ABLIM3: variants seen among roughly 807,000 people sequenced by gnomAD.
ABLIM3 encodes actin-binding LIM protein 3.
ABLIM3 carries 61 observed loss-of-function variants against 109.5 expected under a neutral mutation model. That is an observed-to-expected ratio of 0.56 (90% CI 0.45 to 0.69). The LOEUF is 0.69. ABLIM3 is among the 30% of genes least tolerant of loss of function. The probability of loss-of-function intolerance (pLI) is 0.00; values close to 1 mark genes in which losing one functional copy is unlikely to be tolerated. For synonymous variants in ABLIM3, 300 were observed against 324.8 expected (o/e 0.92, Z 0.82); for missense variants, 796 against 889.5 (o/e 0.89, Z 1.34).
At position 149,247,829 on chromosome 5, in the gene ABLIM3, C is replaced by G. The variant is rs200636690; in HGVS notation, c.1599C>G (p.Ala533=). 3.1e-6 allele frequency: 5 copies of G among 1,614,266 alleles called. No homozygotes were observed. Among genetic ancestry groups the G allele is most frequent in the East Asian group, 4.5e-5 (2 of 44,890 alleles). Residue 533 remains alanine (A), a synonymous_variant, in exon 18 of 24, where the codon GCC becomes GCG. Coordinates refer to ENST00000309868, the MANE Select transcript of ABLIM3 (RefSeq NM_014945.5). ...TGATTCTGAAGGAAGAAATGAAGGC[C>G]CGGTCGAGCTCCTATGCAGATCCCT... The part of the protein sequence containing the change: ...GRLILKEEMK[A]RSSSYADPWT...
intron 7 of ABLIM3, among the ~76,000 whole-genome samples, chr5:149,212,178 A>T (rs761370851): frequency 1.3e-5 from 2 of 152,174 alleles, no homozygotes; most frequent in Non-Finnish European, 1.5e-5. Context: ...TTTTAAAAAG[A>T]TTTCTGTGGT....
At chr5:149,230,789 A>G (rs1305272477) in intron 9 of ABLIM3, 82 bp downstream of exon 9, 5 of 1,517,918 alleles carry the variant, frequency 3.3e-6, no homozygotes, top group Non-Finnish European at 4.6e-6. Context: ...GCTTTGGGAC[A>G]GGGTCAGCAT....
intron 2 of ABLIM3, among the ~76,000 whole-genome samples, chr5:149,169,517 C>T (rs929739226): frequency 2.0e-5 from 3 of 152,140 alleles, no homozygotes; most frequent in Admixed American, 2.0e-4. Flanking sequence ...AAATCATTAG[C>T]AAAGGAACGA....
At chr5:149,190,839 G>A (rs1046516729) in intron 3 of ABLIM3, among the ~76,000 whole-genome samples, 2 of 152,140 alleles carry the variant, frequency 1.3e-5, no homozygotes, top group Non-Finnish European at 2.9e-5. Flanking sequence ...GCAGAACTGA[G>A]ATGAAAGATG....
At chr5:149,205,096 A>G (rs1758843496) in intron 5 of ABLIM3, among the ~76,000 whole-genome samples, 2 of 152,262 alleles carry the variant, frequency 1.3e-5, no homozygotes, top group African/African-American at 2.4e-5. Context: ...AGTGTAAGGA[A>G]TAAAGAAGAG....
At position 149,251,417 on chromosome 5, in the gene ABLIM3, G is replaced by T. The variant is rs116279358; in HGVS notation, c.1847G>T (p.Arg616Leu). The T allele has an allele frequency of 1.9e-6, 3 of 1,614,078 alleles. No individual in the cohort carries two copies. Among genetic ancestry groups the T allele is most frequent in the African/African-American group, 2.7e-5 (2 of 75,060 alleles). Reference sequence around the variant, plus strand: ...ATGAACGCAGTCAACTGGGGCATGCGAGGTGAGTGCAGGCCTGCAGGGGGT... The same window carrying T: ...ATGAACGCAGTCAACTGGGGCATGCTAGGTGAGTGCAGGCCTGCAGGGGGT... ...DSMNAVNWGM[R>L]EYKIYPYELL... The change falls in exon 21 of 24, where the codon CGA becomes CTA. Residue 616 changes from arginine (R) to leucine (L), a missense_variant and splice_region_variant. Arg to Leu is a moderately radical substitution (Grantham distance 102). Transcript: ENST00000309868.
chr5:149,227,673 G>A (rs1027145486), intron 8 of ABLIM3, among the ~76,000 whole-genome samples: 4 of 152,150 alleles, frequency 2.6e-5, no homozygotes, highest in African/African-American at 9.7e-5. Context: ...TTACCAGACT[G>A]CAAGACAGGT....
intron 10 of ABLIM3, 60 bp downstream of exon 10, chr5:149,233,360 A>T (rs1269959795): frequency 6.5e-7 from 1 of 1,534,432 alleles, no homozygotes; most frequent in East Asian, 2.2e-5. Context: ...GTATATAAAG[A>T]GTCACTAAGG....
chr5:149,207,491 A>G (rs1412503469), intron 6 of ABLIM3, among the ~76,000 whole-genome samples: 5 of 151,994 alleles, frequency 3.3e-5, no homozygotes, highest in Non-Finnish European at 5.9e-5. Context: ...GTAATTACAT[A>G]TTTATCCCTG....
Position 149,198,374 on chromosome 5 carries a change from C to T in ABLIM3, c.307C>T (p.Pro103Ser). Residue 103 changes from proline (P) to serine (S), a missense_variant, in exon 4 of 24, where the codon CCC becomes TCC. Transcript: ENST00000309868. The surrounding 1 kb of genome is among the most constrained non-coding windows in gnomAD (Gnocchi z 4.2). ...CTCGGCCCTGGGCCGCACTTACCAC[C>T]CCAAGTGCTTCGTGTGCAGCTTGTG... Reference protein sequence around the residue: ...VISALGRTYHPKCFVCSLCRK... With the variant: ...VISALGRTYHSKCFVCSLCRK... 6.2e-7 allele frequency: 1 copy of T among 1,612,984 alleles called. No homozygotes were observed. Among genetic ancestry groups the T allele is most frequent in the South Asian group, 1.1e-5 (1 of 90,828 alleles).
At chr5:149,169,601 A>C (rs1755183088) in intron 2 of ABLIM3, among the ~76,000 whole-genome samples, 1 of 152,190 alleles carries the variant, frequency 6.6e-6, no homozygotes, top group Non-Finnish European at 1.5e-5. Flanking sequence ...TTCTCAAAAG[A>C]CATGGCTGCT....
chr5:149,184,125 A>T (rs1040824025), intron 3 of ABLIM3, among the ~76,000 whole-genome samples: 1 of 152,086 alleles, frequency 6.6e-6, no homozygotes, highest in African/African-American at 2.4e-5. Flanking sequence ...TACAGCTTAC[A>T]CAGGGCTAAT....
intron 8 of ABLIM3, among the ~76,000 whole-genome samples, chr5:149,227,256 G>A (rs1289473239): frequency 1.3e-5 from 2 of 152,152 alleles, no homozygotes; most frequent in Non-Finnish European, 2.9e-5. Flanking sequence ...ATACCTGGCT[G>A]ACAGATAGTT....
chr5:149,163,379 A>G (rs1260769647), intron 2 of ABLIM3, among the ~76,000 whole-genome samples: 1 of 151,516 alleles, frequency 6.6e-6, no homozygotes, highest in Non-Finnish European at 1.5e-5. Flanking sequence ...TATGCTATTT[A>G]AAATAATTAT....
chr5:149,240,871 A>T lies in ABLIM3; in HGVS notation c.1303+97A>T, dbSNP rs1752752154. 14 of 1,182,240 alleles carry T rather than the reference A, an allele frequency of 1.2e-5. No individual in the cohort carries two copies. In the South Asian group the frequency reaches 1.6e-4, roughly 14 times the overall value. 73.2% of individuals were successfully genotyped at this position (1,182,240 alleles called of 1,614,324 possible). A position where few individuals can be genotyped will look rare whatever the true frequency, so the allele number is the denominator to read the frequency against. On this transcript the variant is annotated intron_variant, in intron 14 of 23. Coordinates refer to ENST00000309868, the MANE Select transcript of ABLIM3 (RefSeq NM_014945.5). The stretch of plus-strand genomic sequence containing the variant: ...CCTCGATGCCACACAGGCACCAAGA[A>T]GCTGGTTCCTGAGGGACCTCCCTAA...
chr5:149,232,088 T>C (rs1187971054), intron 9 of ABLIM3, among the ~76,000 whole-genome samples: 1 of 152,182 alleles, frequency 6.6e-6, no homozygotes, highest in African/African-American at 2.4e-5. Context: ...GGTGAATCAC[T>C]TGAGGTCAGT....
At chr5:149,166,151 G>T (rs1754799257) in intron 2 of ABLIM3, among the ~76,000 whole-genome samples, 1 of 152,136 alleles carries the variant, frequency 6.6e-6, no homozygotes, top group Non-Finnish European at 1.5e-5. Context: ...GTTTCACTGA[G>T]CCCATGTCCC....
At chr5:149,211,056 G>A (rs545197921) in intron 7 of ABLIM3, among the ~76,000 whole-genome samples, 3 of 152,284 alleles carry the variant, frequency 2.0e-5, no homozygotes, top group Admixed American at 2.0e-4. Flanking sequence ...GGGAAAATCA[G>A]TTGTATCTTT....
intron 17 of ABLIM3, among the ~76,000 whole-genome samples, chr5:149,247,157 G>A (rs1263389174): frequency 6.6e-6 from 1 of 152,242 alleles, no homozygotes; most frequent in Non-Finnish European, 1.5e-5. Flanking sequence ...CAATGTGGAT[G>A]AACCTTGAAA....
Sources: gnomAD v4.1 joint callset for allele counts (sites outside exome capture counted in the v4.1 genomes callset) on GRCh38, gnomAD v4.1.1 for gene constraint, Gnocchi (gnomAD v3.1) non-coding constraint, MANE v1.5 for transcripts, NCBI Gene and HGNC (gene_info 2026-07-23, HGNC 2026-07-21) for gene names.